The following RFC3 variants were observed in gnomAD, a reference collection of about 807,000 sequenced individuals.
RFC3 encodes the protein A1 38 kDa subunit.
In RFC3, 41 loss-of-function variants were observed where a neutral mutation model predicts 45.1. That is an observed-to-expected ratio of 0.91 (90% CI 0.71 to 1.18). The LOEUF (loss-of-function observed/expected upper bound fraction) is 1.18. RFC3 is among the 50% of genes most tolerant of loss of function. The probability of loss-of-function intolerance (pLI) is 0.00; values close to 1 mark genes in which losing one functional copy is unlikely to be tolerated. For missense variants in RFC3, 423 were observed against 428.1 expected, an observed-to-expected ratio of 0.99 and a Z score of 0.10; for synonymous variants, 149 against 144.0, an observed-to-expected ratio of 1.03 and a Z score of -0.25.
chr13:33,876,470 G>C (rs1593658547), intron 8 of RFC3, among the ~76,000 whole-genome samples: 1 of 152,294 alleles, frequency 6.6e-6, no homozygotes, highest in South Asian at 2.1e-4. Flanking sequence ...CTTTAACTCA[G>C]TGAGAGTATT....
intron 8 of RFC3, among the ~76,000 whole-genome samples, chr13:33,856,769 G>A (rs1415797652): frequency 4.6e-5 from 7 of 152,162 alleles, no homozygotes; most frequent in South Asian, 2.1e-4. Flanking sequence ...AATTGGGTGC[G>A]TGTGACAAAG....
At chr13:33,848,117 CCTAT>C (rs1465833691) in intron 8 of RFC3, 1 of 152,212 alleles carries the variant, frequency 6.6e-6, no homozygotes, top group Non-Finnish European at 1.5e-5. Context: ...CATCTAAACA[CCTAT>C]CTGACGTTCG....
intron 8 of RFC3, among the ~76,000 whole-genome samples, chr13:33,962,302 C>A (rs546159268): frequency 6.6e-6 from 1 of 152,168 alleles, no homozygotes; most frequent in Admixed American, 6.5e-5. Flanking sequence ...ATTAACCTGT[C>A]GGTGCCTCAG....
intron 7 of RFC3, among the ~76,000 whole-genome samples, chr13:33,834,491 G>A (rs2082135320): frequency 6.6e-6 from 1 of 150,560 alleles, no homozygotes; most frequent in Non-Finnish European, 1.5e-5. Context: ...GAAGGACTCA[G>A]AGGTTTGAAT....
At chr13:33,899,389 C>T (rs574907531) in intron 8 of RFC3, among the ~76,000 whole-genome samples, 16 of 151,674 alleles carry the variant, frequency 1.1e-4, no homozygotes, top group African/African-American at 3.1e-4. Flanking sequence ...ATACGCAAAT[C>T]AGTAAATGTG....
intron 8 of RFC3, among the ~76,000 whole-genome samples, chr13:33,905,507 C>T (rs1053548207): frequency 1.3e-5 from 2 of 151,862 alleles, no homozygotes; most frequent in South Asian, 4.1e-4. Context: ...AAATAAAAAT[C>T]TAAATGGCAA....
At chr13:33,974,385 G>A in the RFC3 span, among the ~76,000 whole-genome samples, 1 of 151,812 alleles carries the variant, frequency 6.6e-6, no homozygotes, top group African/African-American at 2.4e-5. Flanking sequence ...TAGCCCATTA[G>A]CAGTCACATC....
chr13:33,844,531 C>G (rs2082223740), intron 8 of RFC3, among the ~76,000 whole-genome samples: 1 of 151,904 alleles, frequency 6.6e-6, no homozygotes, highest in South Asian at 2.1e-4. Context: ...CTTGCTTTTT[C>G]TTGTTTGTGT....
rs182862706 is a variant in RFC3 at position 33,830,304 on chromosome 13, A to G, written c.573+287A>G. Among the ~76,000 whole-genome samples, 1,008 of 152,296 alleles carry G rather than the reference A, an allele frequency of 6.6e-3. 5 individuals carry two copies. Among genetic ancestry groups the G allele is most frequent in the Non-Finnish European group, 9.6e-3 (654 of 68,034 alleles). ...ATTTACTGTCTTCTTTCTCAAGCTG[A>G]TTTAGTTGGCTATAAGAGGAGGCTG... On this transcript the variant is annotated intron_variant, in intron 5 of 8. Coordinates refer to ENST00000380071, the MANE Select transcript of RFC3 (RefSeq NM_002915.4).
At chr13:33,821,296 A>G (rs746620785) in intron 2 of RFC3, 27 bp downstream of exon 2, 37 of 1,610,328 alleles carry the variant, frequency 2.3e-5, no homozygotes, top group Non-Finnish European at 2.8e-5. Context: ...GAGGCCCTGA[A>G]AGTAATTTAT....
At chr13:33,902,551 G>A (rs2082648100) in intron 8 of RFC3, among the ~76,000 whole-genome samples, 1 of 152,022 alleles carries the variant, frequency 6.6e-6, no homozygotes, top group East Asian at 1.9e-4. Context: ...AATGATTATA[G>A]TTTAATAATA....
At chr13:33,866,224 G>A (rs947413312) in intron 8 of RFC3, among the ~76,000 whole-genome samples, 3 of 152,220 alleles carry the variant, frequency 2.0e-5, no homozygotes, top group Non-Finnish European at 2.9e-5. Flanking sequence ...GTTGAGGTGA[G>A]CACCTTTGAG....
intron 8 of RFC3, among the ~76,000 whole-genome samples, chr13:33,852,028 G>A (rs1176595949): frequency 6.6e-6 from 1 of 152,160 alleles, no homozygotes; most frequent in African/African-American, 2.4e-5. Flanking sequence ...AAATTGAGGT[G>A]CAACATGGTA....
At chr13:33,914,735 A>G (rs963468076) in intron 8 of RFC3, among the ~76,000 whole-genome samples, 9 of 152,188 alleles carry the variant, frequency 5.9e-5, no homozygotes, top group African/African-American at 2.2e-4. Context: ...TGAATTCTAC[A>G]TAACATTATG....
chr13:33,890,192 G>A (rs1376445936), intron 8 of RFC3, among the ~76,000 whole-genome samples: 1 of 152,066 alleles, frequency 6.6e-6, no homozygotes, highest in Non-Finnish European at 1.5e-5. Context: ...TTGACTTGAG[G>A]CCTGCATAAC....
intron 8 of RFC3, among the ~76,000 whole-genome samples, chr13:33,873,211 C>T (rs773552669): frequency 2.0e-5 from 3 of 152,178 alleles, no homozygotes; most frequent in Non-Finnish European, 2.9e-5. Context: ...TTGTGGAGCC[C>T]AGGGACAGTC....
intron 8 of RFC3, among the ~76,000 whole-genome samples, chr13:33,895,107 G>A (rs2082589291): frequency 6.6e-6 from 1 of 151,548 alleles, no homozygotes; most frequent in African/African-American, 2.4e-5. Flanking sequence ...AATGATTCAT[G>A]ATTAGAACCC....
At chr13:33,840,013 A>C (rs928506352), downstream of RFC3, among the ~76,000 whole-genome samples, 2 of 152,250 alleles carry the variant, frequency 1.3e-5, no homozygotes, top group East Asian at 3.9e-4. Flanking sequence ...TTTTGCTACT[A>C]TGGCTGCTTT....
chr13:33,819,501 A>G (rs2081981995), intron 1 of RFC3, among the ~76,000 whole-genome samples: 1 of 152,232 alleles, frequency 6.6e-6, no homozygotes, highest in Admixed American at 6.5e-5. Context: ...ATAAGAAATA[A>G]TAAGAAAAGA....
Sources: allele counts gnomAD v4.1 joint callset (sites outside exome capture counted in the v4.1 genomes callset), GRCh38; gene constraint gnomAD v4.1.1; transcripts MANE v1.5; gene names NCBI Gene and HGNC (gene_info 2026-07-23, HGNC 2026-07-21).